The following NBEA variants were observed in gnomAD, a reference collection of about 807,000 sequenced individuals.
NBEA encodes the protein lysosomal-trafficking regulator 2.
NBEA carries 44 observed loss-of-function variants against 343.4 expected under a neutral mutation model. The observed-to-expected ratio is 0.13, with a 90% confidence interval of 0.10 to 0.16. The LOEUF is 0.16. NBEA is among the 10% of genes least tolerant of loss of function. The pLI is 1.00. For missense variants in NBEA, 2,555 were observed against 3,631.3 expected (o/e 0.70, Z 7.62); for synonymous variants, 1,175 against 1,238.7 (o/e 0.95, Z 1.08).
At chr13:35,535,287 G>A (rs745985276) in intron 41 of NBEA, among the ~76,000 whole-genome samples, 1 of 152,260 alleles carries the variant, frequency 6.6e-6, no homozygotes, top group African/African-American at 2.4e-5. Context: ...AAGCATGAAG[G>A]TGCTTTAAGG....
At chr13:35,011,628 AT>A (rs1304696677) in intron 1 of NBEA, among the ~76,000 whole-genome samples, 4 of 152,242 alleles carry the variant, frequency 2.6e-5, no homozygotes, top group Middle Eastern at 3.2e-3. Context: ...TAAGCTATAG[AT>A]TATGGAAAAC....
intron 36 of NBEA, among the ~76,000 whole-genome samples, chr13:35,344,669 A>T (rs1164011884): frequency 6.6e-6 from 1 of 152,084 alleles, no homozygotes; most frequent in Non-Finnish European, 1.5e-5. Flanking sequence ...GAAATGAGCA[A>T]TGTCCTAGAA....
intron 34 of NBEA, among the ~76,000 whole-genome samples, chr13:35,288,085 C>T (rs1049765854): frequency 2.0e-5 from 3 of 152,068 alleles, no homozygotes; most frequent in Middle Eastern, 3.4e-3. Context: ...ATCAAATGAG[C>T]TAATTTGATT....
Position 35,168,978 on chromosome 13 carries a change from C to G in NBEA, c.4234-9C>G. 1.4e-6 allele frequency: 2 copies of G among 1,479,998 alleles called. No individual in the cohort carries two copies. The highest frequency in any genetic ancestry group is 2.5e-5 in the East Asian group (1 of 40,756). 91.7% of individuals were successfully genotyped at this position (1,479,998 alleles called of 1,614,324 possible). ...GGTCTGTTGTCTGTTTTGTCTAATG[C>G]ATGTCCAGGGTTCTAAGGTTAGTAT... is the stretch of plus-strand genomic sequence containing the variant. On this transcript the variant is annotated splice_polypyrimidine_tract_variant and intron_variant, in intron 24 of 58. Coordinates refer to ENST00000379939, the MANE Select transcript of NBEA (RefSeq NM_001385012.1).
chr13:35,526,790 G>A (rs1461007890), intron 41 of NBEA, among the ~76,000 whole-genome samples: 2 of 152,216 alleles, frequency 1.3e-5, no homozygotes, highest in Non-Finnish European at 2.9e-5. Flanking sequence ...ACAGCCAGGT[G>A]TGCTGGCTGT....
intron 17 of NBEA, among the ~76,000 whole-genome samples, chr13:35,133,952 C>T (rs762848691): frequency 9.3e-5 from 14 of 150,938 alleles, no homozygotes; most frequent in Admixed American, 2.6e-4. Flanking sequence ...AGTAAAGAAA[C>T]GTATAGCAAA....
At chr13:35,289,417 A>G (rs1538348) in intron 34 of NBEA, among the ~76,000 whole-genome samples, 7,889 of 151,904 alleles carry the variant, frequency 0.052, 259 homozygotes, top group Non-Finnish European at 0.075. Context: ...ATTACCAAAC[A>G]TCATAATTAA....
In NBEA at chr13:35,403,999, A is replaced by G. The variant is rs544600252; in HGVS notation, c.6180-28270A>G. On this transcript the variant is annotated intron_variant, in intron 38 of 58. Transcript: ENST00000379939. ...TTATGCAGCCAAAAACACATGAAAA[A>G]ATGCTCATCATCACTGGCCATCAGA... Among the ~76,000 whole-genome samples, 600 of 140,580 alleles carry G rather than the reference A, an allele frequency of 4.3e-3. 5 individuals carry two copies. The highest frequency in any genetic ancestry group is 0.014 in the African/African-American group (552 of 39,940). The allele number at this position is 140,580 out of a possible 152,430, so 92.2% of individuals were successfully genotyped here.
chr13:35,563,845 C>T (rs1259530700), intron 44 of NBEA, among the ~76,000 whole-genome samples: 2 of 147,936 alleles, frequency 1.4e-5, no homozygotes, highest in Non-Finnish European at 3.0e-5. Flanking sequence ...TAATGCTTTT[C>T]TTCTTTGTAT....
intron 38 of NBEA, among the ~76,000 whole-genome samples, chr13:35,427,532 A>T (rs937033666): frequency 3.9e-5 from 6 of 152,196 alleles, no homozygotes; most frequent in Non-Finnish European, 8.8e-5. Flanking sequence ...GTGAGGTGTC[A>T]GTCCGCCCCT....
chr13:35,578,586 T>C (rs2080859536), intron 45 of NBEA, among the ~76,000 whole-genome samples: 1 of 152,190 alleles, frequency 6.6e-6, no homozygotes, highest in Non-Finnish European at 1.5e-5. Context: ...GGTACCTGTT[T>C]CCTCCTCATG....
At chr13:35,660,218 T>C (rs1191713525) in intron 55 of NBEA, among the ~76,000 whole-genome samples, 1 of 152,232 alleles carries the variant, frequency 6.6e-6, no homozygotes, top group African/African-American at 2.4e-5. Flanking sequence ...TTGTTGTCTC[T>C]TCAACAGACA....
chr13:35,149,646 A>G (rs953880686), intron 18 of NBEA, among the ~76,000 whole-genome samples: 5 of 152,120 alleles, frequency 3.3e-5, no homozygotes, highest in Admixed American at 2.6e-4. Context: ...GATTTTTTGG[A>G]CCTACTAACT....
intron 39 of NBEA, among the ~76,000 whole-genome samples, chr13:35,448,799 A>T (rs1316953771): frequency 1.9e-5 from 1 of 53,322 alleles, no homozygotes; most frequent in African/African-American, 3.4e-5. Context: ...AGTTCAGCAC[A>T]TGTTTGTGGC....
At chr13:35,352,487 G>GAGTTTA (rs956467036) in intron 38 of NBEA, among the ~76,000 whole-genome samples, 164 bp downstream of exon 38, 2 of 151,954 alleles carry the variant, frequency 1.3e-5, no homozygotes, top group Non-Finnish European at 2.9e-5. Flanking sequence ...TTCATCAGAA[G>GAGTTTA]AGTTTAAGGG....
intron 7 of NBEA, among the ~76,000 whole-genome samples, chr13:35,057,936 A>T (rs995781221): frequency 6.6e-6 from 1 of 151,972 alleles, no homozygotes; most frequent in Non-Finnish European, 1.5e-5. Flanking sequence ...TTGTTACTTT[A>T]TTGCAGTACG....
At chr13:35,007,527 T>C (rs2061357613) in intron 1 of NBEA, among the ~76,000 whole-genome samples, 1 of 152,222 alleles carries the variant, frequency 6.6e-6, no homozygotes, top group African/African-American at 2.4e-5. Context: ...GGTCTCATTC[T>C]GTTACCCATG....
At chr13:35,033,524 T>A (rs1279499235) in intron 1 of NBEA, among the ~76,000 whole-genome samples, 3 of 152,060 alleles carry the variant, frequency 2.0e-5, no homozygotes, top group Non-Finnish European at 4.4e-5. Context: ...GAGCATTGTT[T>A]TATCTATTTC....
Position 35,015,884 on chromosome 13 carries a change from C to T in NBEA, c.295-25049C>T, listed in dbSNP as rs73487660. On this transcript the variant is annotated intron_variant, in intron 1 of 58. Coordinates refer to ENST00000379939, the MANE Select transcript of NBEA (RefSeq NM_001385012.1). ...TGATTCAGGTGGGCAGATTTTATTT[C>T]ACAAAGTGCAGTTATAATTATGGCT... Among the ~76,000 whole-genome samples the T allele has an allele frequency of 6.4e-3, 967 of 152,054 alleles. 11 individuals are homozygous for T. The highest frequency in any genetic ancestry group is 0.022 in the African/African-American group (927 of 41,506).
Sources: allele counts gnomAD v4.1 joint callset (sites outside exome capture counted in the v4.1 genomes callset), GRCh38; gene constraint gnomAD v4.1.1; transcripts MANE v1.5; gene names NCBI Gene and HGNC (gene_info 2026-07-23, HGNC 2026-07-21).